The following SND1 variants were observed in gnomAD, a reference collection of about 807,000 sequenced individuals.
SND1 encodes staphylococcal nuclease and tudor domain containing 1.
A neutral mutation model predicts 121.7 loss-of-function variants in SND1; 38 were observed. The ratio of observed to expected loss-of-function variants is 0.31; its 90% CI spans 0.24 to 0.41. The LOEUF (loss-of-function observed/expected upper bound fraction) is 0.41, where lower values mean the gene tolerates loss of function less well. Among genes scored for constraint, SND1 ranks in the 10% least tolerant of loss-of-function variants. The pLI is 1.00. For synonymous variants in SND1, 401 were observed against 447.4 expected, an observed-to-expected ratio of 0.90 and a Z score of 1.31; for missense variants, 868 against 1,184.6, an observed-to-expected ratio of 0.73 and a Z score of 3.92.
intron 16 of SND1, among the ~76,000 whole-genome samples, chr7:128,013,118 G>C (rs925005551): frequency 6.6e-6 from 1 of 152,148 alleles, no homozygotes; most frequent in Admixed American, 6.5e-5. Context: ...CCAAATGAGG[G>C]GGTTGCTTCC....
At chr7:127,875,948 T>C (rs2116707989) in intron 12 of SND1, among the ~76,000 whole-genome samples, 1 of 152,264 alleles carries the variant, frequency 6.6e-6, no homozygotes, top group African/African-American at 2.4e-5. Flanking sequence ...GTAACCTTTC[T>C]GTGCTTCAGG....
chr7:127,811,931 G>A (rs1323216342), intron 11 of SND1, among the ~76,000 whole-genome samples: 3 of 152,106 alleles, frequency 2.0e-5, no homozygotes, highest in Non-Finnish European at 2.9e-5. Context: ...ATAGAATGCC[G>A]ATTATATCTT....
Position 127,969,257 on chromosome 7 carries a change from G to A in SND1, c.1670-21690G>A, listed in dbSNP as rs375265104. ...ACCTGGGAAGGGAGGAAGGTATACCGAGCTGCTTCCACCACATGTCCAAGC... is the reference window on the plus strand; with the variant it reads ...ACCTGGGAAGGGAGGAAGGTATACCAAGCTGCTTCCACCACATGTCCAAGC... On this transcript the variant is annotated intron_variant, in intron 15 of 23. Transcript: ENST00000354725. 3.3e-5 allele frequency among the ~76,000 whole-genome samples: 5 copies of A among 152,194 alleles called. No individual in the cohort carries two copies. The East Asian group carries it at 9.7e-4, about 29-fold the overall frequency.
chr7:127,747,032 G>T (rs1273568234), intron 10 of SND1, among the ~76,000 whole-genome samples: 2 of 152,158 alleles, frequency 1.3e-5, no homozygotes, highest in African/African-American at 2.4e-5. Flanking sequence ...TTACATTGGG[G>T]ATAATTGAGA....
At chr7:128,069,680 A>T (rs998733116) in intron 16 of SND1, among the ~76,000 whole-genome samples, 1 of 152,238 alleles carries the variant, frequency 6.6e-6, no homozygotes, top group Non-Finnish European at 1.5e-5. Flanking sequence ...TTTATGTGCT[A>T]AGCACTTTTC....
intron 12 of SND1, among the ~76,000 whole-genome samples, chr7:127,861,711 T>C (rs1799383961): frequency 1.3e-5 from 2 of 152,310 alleles, no homozygotes; most frequent in South Asian, 4.1e-4. Context: ...CCTTAGGTGA[T>C]CCACCCGCCT....
chr7:127,652,469 A>C lies in SND1; in HGVS notation c.78+18A>C. On this transcript the variant is annotated intron_variant, in intron 1 of 23. Coordinates refer to ENST00000354725, the MANE Select transcript of SND1 (RefSeq NM_014390.4). ...TCAAGATGGTGAGAACGGGCCCCGG[A>C]CACCGACCCCTCTGCCTGCCTTCGG... 1 of 1,554,572 alleles carries C rather than the reference A, an allele frequency of 6.4e-7. No homozygotes were observed. The highest frequency in any genetic ancestry group is 8.7e-7 in the Non-Finnish European group (1 of 1,147,592).
intron 15 of SND1, among the ~76,000 whole-genome samples, chr7:127,936,861 A>G (rs1801072612): frequency 6.6e-6 from 1 of 152,120 alleles, no homozygotes; most frequent in African/African-American, 2.4e-5. Context: ...ATTTTTACCT[A>G]AAAGCCCCCA....
intron 12 of SND1, among the ~76,000 whole-genome samples, chr7:127,859,062 G>T (rs1344562599): frequency 6.6e-6 from 1 of 152,156 alleles, no homozygotes; most frequent in African/African-American, 2.4e-5. Flanking sequence ...TGCTTTCACT[G>T]TCAGAGCAGA....
chr7:127,705,580 TGC>T (rs1796174923), intron 8 of SND1, among the ~76,000 whole-genome samples: 1 of 1,580 alleles, frequency 6.3e-4, no homozygotes, highest in African/African-American at 7.7e-4. Context: ...AAGATGTAGA[TGC>T]AGATGTAGAT....
chr7:127,677,400 C>G (rs935225462), intron 1 of SND1, among the ~76,000 whole-genome samples: 1 of 152,212 alleles, frequency 6.6e-6, no homozygotes, highest in African/African-American at 2.4e-5. Flanking sequence ...TTCTTATTGC[C>G]ATATACTGCA....
chr7:128,028,657 T>C, intron 16 of SND1: 2 of 1,592,788 alleles, frequency 1.3e-6, no homozygotes, highest in Non-Finnish European at 1.7e-6. Flanking sequence ...TTGCATTTTA[T>C]AAGTTTTTTG....
intron 12 of SND1, among the ~76,000 whole-genome samples, chr7:127,846,203 G>T (rs1320331492): frequency 6.6e-6 from 1 of 152,146 alleles, no homozygotes; most frequent in Non-Finnish European, 1.5e-5. Flanking sequence ...TAATGAACTT[G>T]AATTTTCTGC....
rs560167411 is a variant in SND1, at chr7:128,014,645, C to G, written c.1779+23589C>G. 3.0e-4 allele frequency among the ~76,000 whole-genome samples: 45 copies of G among 152,252 alleles called. 1 individual carries two copies. The Middle Eastern group carries it at 0.014, about 46-fold the overall frequency. ...AGCTTCCCACCCACCCACAGGCCCA[C>G]ATACACATGCACACAAAGCCCACTG... On this transcript the variant is annotated intron_variant, in intron 16 of 23. Transcript: ENST00000354725.
rs554690479 is a variant in SND1 at position 127,878,739 on chromosome 7, A to G, written c.1344-9163A>G. On this transcript the variant is annotated intron_variant, in intron 12 of 23. Coordinates refer to ENST00000354725, the MANE Select transcript of SND1 (RefSeq NM_014390.4). ...TGTTAATCAGTGTAAATGGATTTAA[A>G]AAATCAATTTCAGTCATTTTTAGAA... Among the ~76,000 whole-genome samples, 18 of 152,294 alleles carry G rather than the reference A, an allele frequency of 1.2e-4. No homozygotes were observed. In the East Asian group the frequency reaches 3.5e-3, roughly 29 times the overall value.
At chr7:127,766,750 T>C (rs1264644403) in intron 10 of SND1, among the ~76,000 whole-genome samples, 6 of 88,262 alleles carry the variant, frequency 6.8e-5, no homozygotes, top group Admixed American at 1.9e-4. Flanking sequence ...CCAGCCTGGG[T>C]GACAAAGCGA....
chr7:127,670,791 C>T (rs781089103), intron 1 of SND1, among the ~76,000 whole-genome samples: 5 of 149,992 alleles, frequency 3.3e-5, no homozygotes, highest in East Asian at 1.9e-4. Flanking sequence ...GGATTATAGG[C>T]GTGAGCCATT....
chr7:128,051,890 G>C (rs1793052223), intron 16 of SND1, among the ~76,000 whole-genome samples: 1 of 152,198 alleles, frequency 6.6e-6, no homozygotes, highest in South Asian at 2.1e-4. Context: ...TGGGTTCAGA[G>C]AACTTTCTAA....
At chr7:128,028,764 G>A (rs1409387751) in intron 16 of SND1, 2 of 1,614,120 alleles carry the variant, frequency 1.2e-6, no homozygotes, top group Non-Finnish European at 1.7e-6. Context: ...GGGGTGCAGA[G>A]AGTTCCCCAG....
Sources: allele counts gnomAD v4.1 joint callset (sites outside exome capture counted in the v4.1 genomes callset), GRCh38; gene constraint gnomAD v4.1.1; transcripts MANE v1.5; gene names NCBI Gene and HGNC (gene_info 2026-07-23, HGNC 2026-07-21).